Variants in PPP2R2B observed in about 807,000 individuals in gnomAD.
The protein encoded by PPP2R2B is protein phosphatase 2 regulatory subunit Bbeta.
In PPP2R2B, 5 loss-of-function variants were observed where a neutral mutation model predicts 46.0. The ratio of observed to expected loss-of-function variants is 0.11; its 90% CI spans 0.06 to 0.23. PPP2R2B has a LOEUF of 0.23. Among genes scored for constraint, PPP2R2B ranks in the 10% least tolerant of loss-of-function variants. The probability of loss-of-function intolerance (pLI) is 1.00; values close to 1 mark genes in which losing one functional copy is unlikely to be tolerated. For synonymous variants in PPP2R2B, 215 were observed against 206.7 expected (o/e 1.04, Z -0.34); for missense variants, 367 against 575.0 (o/e 0.64, Z 3.70).
At chr5:146,956,563 C>T (rs1751920547) in intron 1 of PPP2R2B, among the ~76,000 whole-genome samples, 4 of 152,226 alleles carry the variant, frequency 2.6e-5, no homozygotes. Flanking sequence ...GAGTACGCTC[C>T]ATCTCTTTCC....
At chr5:146,618,744 C>A (rs575832958) in intron 7 of PPP2R2B, among the ~76,000 whole-genome samples, 7 of 152,338 alleles carry the variant, frequency 4.6e-5, no homozygotes, top group Non-Finnish European at 5.9e-5. Flanking sequence ...CTCAGCCACT[C>A]TTTCCTCCCA....
At chr5:146,930,761 T>C (rs1453448261) in intron 1 of PPP2R2B, among the ~76,000 whole-genome samples, 2 of 152,226 alleles carry the variant, frequency 1.3e-5, no homozygotes, top group Admixed American at 6.5e-5. Flanking sequence ...CTCTCATTCT[T>C]GTTGAAGCCT....
intron 1 of PPP2R2B, among the ~76,000 whole-genome samples, chr5:146,901,147 T>C (rs1194923478): frequency 6.6e-6 from 1 of 152,200 alleles, no homozygotes; most frequent in African/African-American, 2.4e-5. Flanking sequence ...GTTTTGAAGT[T>C]GAATATGACC....
chr5:146,976,570 T>A (rs893260915), intron 1 of PPP2R2B, among the ~76,000 whole-genome samples: 1 of 152,210 alleles, frequency 6.6e-6, no homozygotes, highest in Non-Finnish European at 1.5e-5. Context: ...ACAACACAAT[T>A]TACTGAAAAA....
intron 1 of PPP2R2B, among the ~76,000 whole-genome samples, chr5:146,892,092 A>G (rs1762507994): frequency 1.3e-5 from 2 of 152,328 alleles, no homozygotes; most frequent in South Asian, 4.1e-4. Flanking sequence ...TTTTCTCTGA[A>G]GCAAAATGTT....
chr5:146,884,457 G>A (rs751488109), intron 1 of PPP2R2B, among the ~76,000 whole-genome samples: 5 of 152,084 alleles, frequency 3.3e-5, no homozygotes, highest in South Asian at 2.1e-4. Context: ...AGGAATGTTC[G>A]GTCATGCCCA....
intron 2 of PPP2R2B, among the ~76,000 whole-genome samples, chr5:146,808,994 T>TGTGTGTGTGTGTGC (rs1442659063): frequency 3.0e-5 from 4 of 134,492 alleles, no homozygotes; most frequent in African/African-American, 1.1e-4. Flanking sequence ...TGTGTGTGTG[T>TGTGTGTGTGTGTGC]GCGCGCGCAC....
At chr5:146,855,350 C>T (rs1760593880) in intron 2 of PPP2R2B, among the ~76,000 whole-genome samples, 1 of 152,154 alleles carries the variant, frequency 6.6e-6, no homozygotes, top group Admixed American at 6.6e-5. Flanking sequence ...TTAAAAATAT[C>T]ACCTGCATGG....
chr5:146,698,190 C>T, intron 3 of PPP2R2B, 46 bp from the exon 4 acceptor site: 1 of 1,482,404 alleles, frequency 6.7e-7, no homozygotes, highest in Admixed American at 2.3e-5. Flanking sequence ...TCACAGTAGC[C>T]AACTGTAAAA....
chr5:146,663,863 G>A (rs1019333153), intron 5 of PPP2R2B, among the ~76,000 whole-genome samples: 5 of 151,900 alleles, frequency 3.3e-5, no homozygotes, highest in Non-Finnish European at 5.9e-5. Flanking sequence ...TATTTTTTGA[G>A]ATGGAATCTT....
chr5:146,713,232 G>A (rs937549838), intron 2 of PPP2R2B, among the ~76,000 whole-genome samples: 1 of 152,096 alleles, frequency 6.6e-6, no homozygotes, highest in Non-Finnish European at 1.5e-5. Flanking sequence ...AACTGACAAT[G>A]GAAAGACCCT....
chr5:146,668,186 C>T (rs542535103), intron 5 of PPP2R2B, among the ~76,000 whole-genome samples: 2 of 58,554 alleles, frequency 3.4e-5, no homozygotes, highest in African/African-American at 7.3e-5. Context: ...CTAAAGAAAA[C>T]GATTAATTCT....
intron 2 of PPP2R2B, among the ~76,000 whole-genome samples, chr5:146,816,864 G>C (rs539506628): frequency 6.6e-6 from 1 of 152,300 alleles, no homozygotes; most frequent in South Asian, 2.1e-4. Context: ...GGTGGGGCCT[G>C]AGCATATTTT....
intron 5 of PPP2R2B, among the ~76,000 whole-genome samples, chr5:146,660,817 CATTT>C (rs1166133601): frequency 1.3e-5 from 2 of 152,182 alleles, no homozygotes; most frequent in Non-Finnish European, 2.9e-5. Context: ...ATTTGACAAA[CATTT>C]ATTAAGTGCC....
intron 2 of PPP2R2B, among the ~76,000 whole-genome samples, chr5:146,830,438 C>T (rs1758857191): frequency 6.6e-6 from 1 of 152,022 alleles, no homozygotes; most frequent in African/African-American, 2.4e-5. Context: ...GTACCCGAAC[C>T]TTAAATGTTA....
chr5:146,658,820 G>A (rs998173180), intron 5 of PPP2R2B, among the ~76,000 whole-genome samples: 17 of 152,054 alleles, frequency 1.1e-4, no homozygotes, highest in African/African-American at 3.9e-4. Flanking sequence ...CCGCATAGAC[G>A]CCCCCATCCC....
intron 2 of PPP2R2B, among the ~76,000 whole-genome samples, chr5:146,730,998 T>C (rs1752197519): frequency 6.6e-6 from 1 of 152,170 alleles, no homozygotes; most frequent in Non-Finnish European, 1.5e-5. Context: ...GAGAGGAAGA[T>C]TCAGCCATGT....
At chr5:147,063,904 T>C (rs1393433162) in intron 2 of PPP2R2B, among the ~76,000 whole-genome samples, 4 of 152,210 alleles carry the variant, frequency 2.6e-5, no homozygotes, top group Non-Finnish European at 4.4e-5. Context: ...GGTTTTAACG[T>C]CTTTTCAAGA....
intron 1 of PPP2R2B, among the ~76,000 whole-genome samples, chr5:147,021,203 A>G (rs1755246742): frequency 1.3e-5 from 2 of 152,202 alleles, no homozygotes; most frequent in Admixed American, 1.3e-4. Flanking sequence ...AACCACCTAG[A>G]AAAGGAAAAC....
Sources: gnomAD v4.1 joint callset for allele counts (sites outside exome capture counted in the v4.1 genomes callset) on GRCh38, gnomAD v4.1.1 for gene constraint, MANE v1.5 for transcripts, NCBI Gene and HGNC (gene_info 2026-07-23, HGNC 2026-07-21) for gene names.